Variants in RPS6KA3 observed in about 807,000 individuals in gnomAD.
RPS6KA3 encodes the protein ribosomal protein S6 kinase A3, also known as ribosomal protein S6 kinase alpha-3.
In RPS6KA3, 4 loss-of-function variants were observed where a neutral mutation model predicts 67.2. The observed-to-expected ratio is 0.06, with a 90% CI of 0.03 to 0.14. RPS6KA3 has a LOEUF of 0.14. Among genes scored for constraint, RPS6KA3 ranks in the 10% least tolerant of loss-of-function variants. RPS6KA3 has a pLI of 1.00. For synonymous variants in RPS6KA3, 182 were observed against 183.7 expected (o/e 0.99, Z 0.07); for missense variants, 204 against 559.0 (o/e 0.36, Z 6.40).
At chrX:20,246,734 T>C (rs1413700670) in intron 1 of RPS6KA3, among the ~76,000 whole-genome samples, 2 of 112,075 alleles carry the variant, frequency 1.8e-5, no homozygotes, top group African/African-American at 6.5e-5. Flanking sequence ...AACATAACTA[T>C]TAATTAACAC....
At chrX:20,163,119 T>C in intron 18 of RPS6KA3, 79 bp from the exon 19 acceptor site, 1 of 669,569 alleles carries the variant, frequency 1.5e-6, no homozygotes, top group Non-Finnish European at 2.5e-6. Flanking sequence ...GAATTATATA[T>C]TCCAAATCAA....
chrX:20,246,151 C>T (rs1463283513), intron 1 of RPS6KA3, among the ~76,000 whole-genome samples: 3 of 107,846 alleles, frequency 2.8e-5, no homozygotes, highest in East Asian at 2.9e-4. Flanking sequence ...AAAGGGAAAT[C>T]CCAGTGTAAA....
chrX:20,218,190 T>C (rs192468090), intron 2 of RPS6KA3, among the ~76,000 whole-genome samples: 1 of 112,158 alleles, frequency 8.9e-6, no homozygotes, highest in African/African-American at 3.2e-5. Flanking sequence ...TTTGGCAGGA[T>C]TGTAGATTAA....
intron 1 of RPS6KA3, among the ~76,000 whole-genome samples, chrX:20,253,659 T>C (rs1438961937): frequency 8.9e-6 from 1 of 111,926 alleles, no homozygotes; most frequent in African/African-American, 3.3e-5. Context: ...GAAAATAACA[T>C]TTATTTTCTA....
chrX:20,231,541 CAT>C (rs1447569111), intron 2 of RPS6KA3, among the ~76,000 whole-genome samples: 1 of 111,292 alleles, frequency 9.0e-6, no homozygotes, highest in Non-Finnish European at 1.9e-5. Flanking sequence ...TTTAAAAAAA[CAT>C]ATAATAAAAT....
chrX:20,233,894 C>G (rs186833124), intron 2 of RPS6KA3, among the ~76,000 whole-genome samples: 70 of 112,545 alleles, frequency 6.2e-4, no homozygotes, highest in African/African-American at 2.0e-3. Context: ...AATTATCTTA[C>G]GTACAAAATA....
At chrX:20,230,742 C>T (rs2069240006) in intron 2 of RPS6KA3, among the ~76,000 whole-genome samples, 1 of 111,334 alleles carries the variant, frequency 9.0e-6, no homozygotes, top group Non-Finnish European at 1.9e-5. Flanking sequence ...CCACAACTGA[C>T]ATAACGTTCA....
chrX:20,163,382 C>T (rs1290183454), intron 18 of RPS6KA3, among the ~76,000 whole-genome samples: 3 of 111,015 alleles, frequency 2.7e-5, no homozygotes, highest in Non-Finnish European at 3.8e-5. Flanking sequence ...CATACACACA[C>T]GCACACAAAG....
At chrX:20,242,259 A>G (rs2069570433) in intron 1 of RPS6KA3, among the ~76,000 whole-genome samples, 1 of 111,857 alleles carries the variant, frequency 8.9e-6, no homozygotes, top group Admixed American at 9.5e-5. Context: ...GGATATTTTA[A>G]AACCATTAGT....
chrX:20,257,124 G>C lies in RPS6KA3; in HGVS notation c.69+9440C>G, dbSNP rs112170968. 8.3e-4 allele frequency among the ~76,000 whole-genome samples: 93 copies of C among 111,890 alleles called. 1 individual carries two copies. The highest frequency in any genetic ancestry group is 3.0e-3 in the African/African-American group (92 of 30,805). On this transcript the variant is annotated intron_variant, in intron 1 of 21. Transcript: ENST00000379565. ...TTCAGTTTCCTCATCTGTAAGTTGA[G>C]GATAATTCTGTATACTTCATTCAAG... is the stretch of plus-strand genomic sequence containing the variant.
chrX:20,175,036 G>T (rs1201208128), intron 14 of RPS6KA3, 128 bp downstream of exon 14: 1 of 684,350 alleles, frequency 1.5e-6, no homozygotes, highest in African/African-American at 2.1e-5. Context: ...TTACGGGTGT[G>T]AGCCACTATG....
At chrX:20,247,669 C>T (rs1482057967) in intron 1 of RPS6KA3, among the ~76,000 whole-genome samples, 4 of 109,460 alleles carry the variant, frequency 3.7e-5, no homozygotes, top group Admixed American at 2.9e-4. Flanking sequence ...TGCCTGTAGT[C>T]CCAGCTACTT....
At chrX:20,202,136 T>C (rs769539106) in intron 4 of RPS6KA3, among the ~76,000 whole-genome samples, 113 of 108,821 alleles carry the variant, frequency 1.0e-3, no homozygotes, top group Admixed American at 3.3e-3. Flanking sequence ...CCCAACACCA[T>C]GCCCGGCTAA....
chrX:20,180,758 T>C (rs186353958), intron 10 of RPS6KA3, among the ~76,000 whole-genome samples: 1 of 112,246 alleles, frequency 8.9e-6, no homozygotes, highest in African/African-American at 3.2e-5. Flanking sequence ...TCTACTATAT[T>C]TGGGGAGACT....
intron 4 of RPS6KA3, among the ~76,000 whole-genome samples, chrX:20,200,119 C>T (rs892675379): frequency 8.9e-6 from 1 of 112,090 alleles, no homozygotes; most frequent in South Asian, 3.7e-4. Context: ...GGAAATGTGA[C>T]TGTAGTATAC....
intron 10 of RPS6KA3, among the ~76,000 whole-genome samples, chrX:20,178,775 C>G (rs1266717907): frequency 9.5e-6 from 1 of 105,181 alleles, no homozygotes; most frequent in East Asian, 3.0e-4. Flanking sequence ...TCAGTATTTT[C>G]TAAGTATTTA....
intron 1 of RPS6KA3, among the ~76,000 whole-genome samples, chrX:20,244,925 TCA>T (rs761493745): frequency 4.4e-5 from 5 of 112,468 alleles, no homozygotes; most frequent in Non-Finnish European, 9.4e-5. Flanking sequence ...TTAAATATAC[TCA>T]TTTTTATTAG....
chrX:20,199,581 A>C (rs1183760139), intron 4 of RPS6KA3, among the ~76,000 whole-genome samples: 3 of 112,326 alleles, frequency 2.7e-5, no homozygotes, highest in Non-Finnish European at 5.6e-5. Context: ...CATATTCCAA[A>C]GAGCAGCACT....
chrX:20,216,421 T>C (rs943806276), intron 2 of RPS6KA3, among the ~76,000 whole-genome samples: 2 of 111,331 alleles, frequency 1.8e-5, no homozygotes, highest in African/African-American at 6.5e-5. Flanking sequence ...CTAGGTACTC[T>C]TCTAGGCGCT....
Sources: allele counts gnomAD v4.1 joint callset (sites outside exome capture counted in the v4.1 genomes callset), GRCh38; gene constraint gnomAD v4.1.1; transcripts MANE v1.5; gene names NCBI Gene and HGNC (gene_info 2026-07-23, HGNC 2026-07-21).